RFX3: variants seen among roughly 807,000 people sequenced by gnomAD.
RFX3 encodes the protein regulatory factor X3, also known as transcription factor RFX3.
A neutral mutation model predicts 98.6 loss-of-function variants in RFX3; 14 were observed. The ratio of observed to expected loss-of-function variants is 0.14; its 90% CI spans 0.09 to 0.22. The LOEUF is 0.22. RFX3 is among the 10% of genes least tolerant of loss of function. The pLI is 1.00. For missense variants in RFX3, 639 were observed against 926.9 expected (o/e 0.69, Z 4.03); for synonymous variants, 383 against 328.4 (o/e 1.17, Z -1.80).
At chr9:3,419,251 G>A (rs911765032) in intron 1 of RFX3, among the ~76,000 whole-genome samples, 2 of 152,034 alleles carry the variant, frequency 1.3e-5, no homozygotes, top group African/African-American at 4.8e-5. Context: ...AATAGATGCT[G>A]TACTATCAAA....
intron 2 of RFX3, among the ~76,000 whole-genome samples, chr9:3,362,134 T>C (rs1473022006): frequency 6.6e-6 from 1 of 152,174 alleles, no homozygotes; most frequent in Non-Finnish European, 1.5e-5. Context: ...ACTTAAATTC[T>C]CTCTCACTGT....
chr9:3,343,881 C>A (rs975126145), intron 3 of RFX3, among the ~76,000 whole-genome samples: 2 of 152,130 alleles, frequency 1.3e-5, no homozygotes, highest in African/African-American at 4.8e-5. Context: ...TGACCTAGAC[C>A]TCATTAGTCA....
intron 1 of RFX3, among the ~76,000 whole-genome samples, chr9:3,507,450 G>A (rs925225936): frequency 6.6e-6 from 1 of 151,810 alleles, no homozygotes; most frequent in Non-Finnish European, 1.5e-5. Flanking sequence ...ATCTTTTCAG[G>A]TTGATTTTAT....
At chr9:3,422,199 T>C (rs1413511985) in intron 1 of RFX3, among the ~76,000 whole-genome samples, 1 of 152,156 alleles carries the variant, frequency 6.6e-6, no homozygotes, top group African/African-American at 2.4e-5. Context: ...CAAATAGCAA[T>C]GAACATTATC....
intron 1 of RFX3, among the ~76,000 whole-genome samples, chr9:3,406,375 T>C (rs899914213): frequency 6.6e-6 from 1 of 151,998 alleles, no homozygotes; most frequent in Non-Finnish European, 1.5e-5. Context: ...TACTTTCCCG[T>C]GATAGCTTCC....
chr9:3,309,489 C>A (rs549303883), intron 4 of RFX3, among the ~76,000 whole-genome samples: 1 of 151,622 alleles, frequency 6.6e-6, no homozygotes, highest in South Asian at 2.1e-4. Flanking sequence ...TCAAGAGCCA[C>A]CCTGAGGCTT....
chr9:3,394,786 A>G (rs1840685380), intron 2 of RFX3: 1 of 967,838 alleles, frequency 1.0e-6, no homozygotes, highest in Non-Finnish European at 1.2e-6. Flanking sequence ...TGTTCTCACC[A>G]CTCTTTAGAA....
intron 3 of RFX3, chr9:3,345,028 C>T (rs1418771360): frequency 1.8e-5 from 10 of 567,842 alleles, no homozygotes; most frequent in South Asian, 7.0e-5. Flanking sequence ...ATGCCAAGTT[C>T]GCATTCAGGG....
intron 1 of RFX3, among the ~76,000 whole-genome samples, chr9:3,414,858 G>GTATATATGTATATATATGAGTA (rs1842808092): frequency 1.5e-5 from 2 of 135,682 alleles, no homozygotes; most frequent in African/African-American, 5.6e-5. Context: ...GTATATATGA[G>GTATATATGTATATATATGAGTA]TATATATGTA....
intron 12 of RFX3, among the ~76,000 whole-genome samples, chr9:3,264,341 C>G (rs1273391193): frequency 6.6e-6 from 1 of 151,960 alleles, no homozygotes; most frequent in Non-Finnish European, 1.5e-5. Context: ...TAGTATTGCA[C>G]TCAATCACTA....
intron 2 of RFX3, among the ~76,000 whole-genome samples, chr9:3,350,699 C>T (rs1451728881): frequency 6.6e-6 from 1 of 152,008 alleles, no homozygotes; most frequent in African/African-American, 2.4e-5. Flanking sequence ...ATAAACTGCA[C>T]TACACATCAA....
intron 1 of RFX3, among the ~76,000 whole-genome samples, chr9:3,507,460 T>A (rs1281857403): frequency 1.3e-5 from 2 of 151,938 alleles, no homozygotes; most frequent in Admixed American, 6.6e-5. Flanking sequence ...GTTGATTTTA[T>A]TAATCCTATT....
At chr9:3,459,966 T>G (rs1443787612) in intron 1 of RFX3, among the ~76,000 whole-genome samples, 1 of 152,082 alleles carries the variant, frequency 6.6e-6, no homozygotes, top group African/African-American at 2.4e-5. Flanking sequence ...TACGTATTGC[T>G]TTTGTAATCG....
intron 15 of RFX3, among the ~76,000 whole-genome samples, chr9:3,230,560 C>T (rs1818324267): frequency 1.3e-5 from 2 of 152,034 alleles, no homozygotes; most frequent in Admixed American, 1.3e-4. Flanking sequence ...ATAATCTAAA[C>T]AACAAAAACC....
At chr9:3,437,791 C>A (rs1215441848) in intron 1 of RFX3, among the ~76,000 whole-genome samples, 4 of 152,020 alleles carry the variant, frequency 2.6e-5, no homozygotes, top group Non-Finnish European at 4.4e-5. Context: ...CGCTTACCTG[C>A]AGAAACCACA....
chr9:3,511,246 A>C (rs1173196181), intron 1 of RFX3, among the ~76,000 whole-genome samples: 3 of 151,916 alleles, frequency 2.0e-5, no homozygotes, highest in African/African-American at 4.8e-5. Flanking sequence ...TTTAGGTATA[A>C]ATTTTGTGTT....
intron 1 of RFX3, among the ~76,000 whole-genome samples, chr9:3,423,750 A>G (rs900146873): frequency 1.4e-5 from 2 of 142,852 alleles, no homozygotes; most frequent in African/African-American, 5.1e-5. Context: ...TTAAAAGGGT[A>G]TATTTCATTT....
intron 1 of RFX3, among the ~76,000 whole-genome samples, chr9:3,525,387 C>G (rs891742226): frequency 4.6e-5 from 7 of 152,188 alleles, no homozygotes; most frequent in African/African-American, 1.2e-4. Flanking sequence ...CCTCCTCAGA[C>G]CAGACCTAAG....
intron 11 of RFX3, among the ~76,000 whole-genome samples, chr9:3,268,224 A>AT: frequency 6.6e-6 from 1 of 151,864 alleles, no homozygotes; most frequent in South Asian, 2.1e-4. Flanking sequence ...GATGTGCAGA[A>AT]TTTTTTTAGC....
Sources: gnomAD v4.1 joint callset for allele counts (sites outside exome capture counted in the v4.1 genomes callset) on GRCh38, gnomAD v4.1.1 for gene constraint, MANE v1.5 for transcripts, NCBI Gene and HGNC (gene_info 2026-07-23, HGNC 2026-07-21) for gene names.